MRPL37: variants seen among roughly 807,000 people sequenced by gnomAD.
MRPL37 encodes the protein mitochondrial ribosomal protein L37.
Under a neutral mutation model 44.1 loss-of-function variants are expected in MRPL37, and 34 were observed. That is an observed-to-expected ratio of 0.77 (90% CI 0.59 to 1.03). The LOEUF (loss-of-function observed/expected upper bound fraction) is 1.03, where lower values mean the gene tolerates loss of function less well. Ranked by LOEUF, MRPL37 falls within the 50% of genes least tolerant of loss-of-function variation. The pLI, the probability that MRPL37 is intolerant of heterozygous loss-of-function variation, is 0.00. For synonymous variants in MRPL37, 212 were observed against 219.5 expected (o/e 0.97, Z 0.30); for missense variants, 532 against 543.7 (o/e 0.98, Z 0.21).
At chr1:54,209,805 C>G in intron 3 of MRPL37, 141 bp from the exon 4 acceptor site, 2 of 818,464 alleles carry the variant, frequency 2.4e-6, no homozygotes, top group Non-Finnish European at 3.8e-6. Flanking sequence ...TCATGTTGCC[C>G]AGGCTGACCT....
downstream of MRPL37, among the ~76,000 whole-genome samples, chr1:54,219,477 GA>G (rs1644219439): frequency 6.6e-6 from 1 of 152,262 alleles, no homozygotes; most frequent in South Asian, 2.1e-4. Flanking sequence ...GAAGTGACTG[GA>G]AGTGGGGAGG....
intron 3 of MRPL37, among the ~76,000 whole-genome samples, chr1:54,206,648 G>T (rs537674323): frequency 6.6e-6 from 1 of 152,104 alleles, no homozygotes; most frequent in East Asian, 1.9e-4. Context: ...GGCCTCAAGT[G>T]ATCTGCCCAT....
Position 54,218,174 on chromosome 1 carries a change from A to G in MRPL37, c.1197A>G (p.Glu399=). ...CTAATGAACCGTGTTCTTTCCAGGA[A>G]CCTGTTGGCCCAGTTGGTTTCAAGC... is the stretch of plus-strand genomic sequence containing the variant. ...LPVIKKRVVV[E]PVGPVGFKPE... The change falls in exon 7 of 7, where the codon GAA becomes GAG. Residue 399 remains glutamate, a splice_region_variant and synonymous_variant. Coordinates refer to ENST00000360840, the MANE Select transcript of MRPL37 (RefSeq NM_016491.4). 1.2e-6 allele frequency: 2 copies of G among 1,613,914 alleles called. No homozygotes were observed. The highest frequency in any genetic ancestry group is 1.7e-6 in the Non-Finnish European group (2 of 1,179,748).
Position 54,200,204 on chromosome 1 carries a change from G to T in MRPL37, c.-40G>T. 6.6e-7 allele frequency: 1 copy of T among 1,505,720 alleles called. No homozygotes were observed. The allele number at this position is 1,505,720 out of a possible 1,614,324, so 93.3% of individuals were successfully genotyped here. A position where few individuals can be genotyped will look rare whatever the true frequency, so the allele number is the denominator to read the frequency against. The stretch of plus-strand genomic sequence containing the variant: ...CAGCAGGCCCTGCGCGCGGCAACAT[G>T]GCGGGGTCCAGGTGGAGGTCTTGAG... On this transcript the variant is annotated 5_prime_UTR_variant, in exon 1 of 7. The change abolishes an upstream ATG in the 5' untranslated region. Coordinates refer to ENST00000360840, the MANE Select transcript of MRPL37 (RefSeq NM_016491.4).
chr1:54,201,000 A>G (rs1032827523), intron 1 of MRPL37, among the ~76,000 whole-genome samples: 11 of 152,170 alleles, frequency 7.2e-5, no homozygotes, highest in Non-Finnish European at 1.5e-4. Context: ...TTTATAGTGG[A>G]GACAGCAGGA....
rs756099948 is a variant in MRPL37, at chr1:54,200,639, C to G, written c.346+50C>G. 5.9e-6 allele frequency: 9 copies of G among 1,515,284 alleles called. No homozygotes were observed. In the South Asian group the frequency reaches 7.8e-5, roughly 13 times the overall value. 93.9% of individuals were successfully genotyped at this position (1,515,284 alleles called of 1,614,324 possible). A position where few individuals can be genotyped will look rare whatever the true frequency, so the allele number is the denominator to read the frequency against. Reference sequence around the variant, plus strand: ...GGGACCGTGTTCCTCTAACCAGCACCGACCCCGACCCTCTGTGGCTTTGGG... The same window carrying G: ...GGGACCGTGTTCCTCTAACCAGCACGGACCCCGACCCTCTGTGGCTTTGGG... On this transcript the variant is annotated intron_variant, in intron 1 of 6. Transcript: ENST00000360840.
At chr1:54,218,745 C>T (rs1644214730), downstream of MRPL37, among the ~76,000 whole-genome samples, 1 of 152,254 alleles carries the variant, frequency 6.6e-6, no homozygotes, top group East Asian at 1.9e-4. Flanking sequence ...GGGGCAAGTA[C>T]ACCCCTGGTT....
At chr1:54,218,104 C>T in intron 6 of MRPL37, 68 bp from the exon 7 acceptor site, 1 of 1,377,848 alleles carries the variant, frequency 7.3e-7, no homozygotes, top group Non-Finnish European at 1.0e-6. Flanking sequence ...TTACTTCAAT[C>T]CAATCTTTGT....
downstream of MRPL37, among the ~76,000 whole-genome samples, chr1:54,224,146 C>T (rs945247480): frequency 1.3e-5 from 2 of 151,748 alleles, no homozygotes; most frequent in East Asian, 3.9e-4. Flanking sequence ...ATCCACCCAA[C>T]CTCCTTTCCC....
At chr1:54,220,618 C>G (rs902907232), downstream of MRPL37, 3 of 471,530 alleles carry the variant, frequency 6.4e-6, no homozygotes, top group African/African-American at 2.0e-5. Flanking sequence ...CAGACAGGTC[C>G]TTGCTTCTCC....
chr1:54,212,387 T>C, intron 4 of MRPL37, 114 bp from the exon 5 acceptor site: 1 of 1,295,046 alleles, frequency 7.7e-7, no homozygotes, highest in South Asian at 1.4e-5. Context: ...TATCCACCTT[T>C]GTTGAGTCTC....
chr1:54,220,967 G>A (rs1006715302), downstream of MRPL37: 8 of 376,436 alleles, frequency 2.1e-5, no homozygotes, highest in African/African-American at 1.7e-4. Flanking sequence ...TCAGTGGCAA[G>A]GGAATTCTAA....
chr1:54,208,393 A>G (rs1447216022), intron 3 of MRPL37, among the ~76,000 whole-genome samples: 1 of 151,726 alleles, frequency 6.6e-6, no homozygotes, highest in African/African-American at 2.4e-5. Flanking sequence ...ATACAAAAAC[A>G]AAAAAATTAG....
rs142946413 is a variant in MRPL37 at position 54,200,488 on chromosome 1, A to G, written c.245A>G (p.Tyr82Cys). Residue 82 changes from tyrosine to cysteine, a missense_variant, in exon 1 of 7, where the codon TAC becomes TGC. Tyr to Cys is a radical substitution (Grantham distance 194). Coordinates refer to ENST00000360840, the MANE Select transcript of MRPL37 (RefSeq NM_016491.4). Reference sequence around the variant, plus strand: ...ATCTTTCCGCCCTGGGACCGCGGCTACAAGGACCCAAGGTTCTACCGCTCG... The same window carrying G: ...ATCTTTCCGCCCTGGGACCGCGGCTGCAAGGACCCAAGGTTCTACCGCTCG... ...RPIFPPWDRG[Y>C]KDPRFYRSPP... 845 of 1,614,202 alleles carry G rather than the reference A, an allele frequency of 5.2e-4. 4 individuals are homozygous for G. In the African/African-American group the frequency reaches 0.01, roughly 19 times the overall value.
intron 3 of MRPL37, among the ~76,000 whole-genome samples, chr1:54,209,136 C>T (rs1012622782): frequency 6.6e-6 from 1 of 152,240 alleles, no homozygotes; most frequent in African/African-American, 2.4e-5. Context: ...CTGTAGCACT[C>T]ACTACCTGGT....
At chr1:54,207,053 G>T (rs1215372242) in intron 3 of MRPL37, among the ~76,000 whole-genome samples, 1 of 152,078 alleles carries the variant, frequency 6.6e-6, no homozygotes, top group Admixed American at 6.6e-5. Context: ...TGCTTGGCCC[G>T]CTGCTTTCTT....
chr1:54,218,080 C>A (rs1644209934), intron 6 of MRPL37, 92 bp from the exon 7 acceptor site: 1 of 1,133,344 alleles, frequency 8.8e-7, no homozygotes, highest in South Asian at 1.2e-5. Context: ...AGTTACTGTC[C>A]AGGCACTGAA....
chr1:54,202,228 T>C (rs1644089947), intron 1 of MRPL37, among the ~76,000 whole-genome samples: 1 of 151,592 alleles, frequency 6.6e-6, no homozygotes, highest in Non-Finnish European at 1.5e-5. Flanking sequence ...TCTCAAAATC[T>C]GGGACTCAAG....
chr1:54,225,193 C>A, downstream of MRPL37: 2 of 1,234,334 alleles, frequency 1.6e-6, no homozygotes, highest in Non-Finnish European at 2.0e-6. Context: ...GGCTTTTAGA[C>A]GGCCCCCAAA....
Sources: gnomAD v4.1 joint callset for allele counts (sites outside exome capture counted in the v4.1 genomes callset) on GRCh38, gnomAD v4.1.1 for gene constraint, MANE v1.5 for transcripts, NCBI Gene and HGNC (gene_info 2026-07-23, HGNC 2026-07-21) for gene names.